Variants in HMCN1 observed in about 807,000 individuals in gnomAD.
The protein encoded by HMCN1 is hemicentin 1, also known as hemicentin-1.
In HMCN1, 321 loss-of-function variants were observed where a neutral mutation model predicts 625.9. The observed-to-expected ratio is 0.51, with a 90% CI of 0.47 to 0.56. The LOEUF (loss-of-function observed/expected upper bound fraction) is 0.56. Among genes scored for constraint, HMCN1 ranks in the 20% least tolerant of loss-of-function variants. The pLI, the probability that HMCN1 is intolerant of heterozygous loss-of-function variation, is 0.00. For missense variants in HMCN1, 6,588 were observed against 6,887.3 expected (o/e 0.96, Z 1.54); for synonymous variants, 2,425 against 2,417.6 (o/e 1.00, Z -0.09).
chr1:186,107,049 A>T, intron 70 of HMCN1, 84 bp downstream of exon 70: 1 of 854,568 alleles, frequency 1.2e-6, no homozygotes, highest in Non-Finnish European at 2.0e-6. Flanking sequence ...ACATCACAGG[A>T]TATGTTTATA....
At position 186,145,429 on chromosome 1, in the gene HMCN1, G is replaced by A; in HGVS notation, c.14293G>A (p.Gly4765Ser). Residue 4765 changes from glycine (G) to serine (S), a missense_variant, in exon 92 of 107, where the codon GGC becomes AGC. Physicochemically the swap from Gly to Ser is moderately conservative, Grantham distance 56. This residue lies in a region of HMCN1 where 1,954 missense variants were observed against 2,013.1 expected (regional missense o/e 0.97). Transcript: ENST00000271588. ...PTHGNWSPWS[G>S]WGTCSRTCNG... Reference sequence around the variant, plus strand: ...CCATGGTAACTGGAGTCCTTGGAGTGGCTGGGGAACATGCAGCCGGACGTG... The same window carrying A: ...CCATGGTAACTGGAGTCCTTGGAGTAGCTGGGGAACATGCAGCCGGACGTG... 1 of 1,596,058 alleles carries A rather than the reference G, an allele frequency of 6.3e-7. No homozygotes were observed. Among genetic ancestry groups the A allele is most frequent in the Non-Finnish European group, 8.5e-7 (1 of 1,170,192 alleles).
chr1:186,059,261 A>C (rs1356603420), intron 46 of HMCN1, among the ~76,000 whole-genome samples: 1 of 152,072 alleles, frequency 6.6e-6, no homozygotes, highest in Non-Finnish European at 1.5e-5. Context: ...GATTGTATTA[A>C]AATGTGGTTA....
At chr1:185,922,758 G>T (rs1667064659) in intron 7 of HMCN1, among the ~76,000 whole-genome samples, 1 of 152,104 alleles carries the variant, frequency 6.6e-6, no homozygotes, top group South Asian at 2.1e-4. Flanking sequence ...ACCATGGAAG[G>T]TAGGGCCCAG....
chr1:186,065,180 A>C (rs1488097859), intron 48 of HMCN1, 58 bp from the exon 49 acceptor site: 3 of 1,413,144 alleles, frequency 2.1e-6, no homozygotes, highest in Non-Finnish European at 3.0e-6. Context: ...CCTCTTTCAA[A>C]GTTTATTCAT....
intron 1 of HMCN1, among the ~76,000 whole-genome samples, chr1:185,815,023 G>A (rs997807504): frequency 1.3e-5 from 2 of 150,136 alleles, no homozygotes; most frequent in Non-Finnish European, 2.9e-5. Context: ...GGGTTATAGA[G>A]GGTAAGAAAA....
At chr1:185,787,130 C>A (rs1427911419) in intron 1 of HMCN1, among the ~76,000 whole-genome samples, 1 of 148,802 alleles carries the variant, frequency 6.7e-6, no homozygotes, top group Admixed American at 6.8e-5. Context: ...TTGTATGAAG[C>A]GCCATGATGT....
In HMCN1 at chr1:185,850,806, T is replaced by C. The variant is rs370139785; in HGVS notation, c.339+4710T>C. On this transcript the variant is annotated intron_variant, in intron 2 of 106. Coordinates refer to ENST00000271588, the MANE Select transcript of HMCN1 (RefSeq NM_031935.3). ...TTTTCTCCCCTTTTCTGCACTTTCA[T>C]AGGATCCAAAAGGATGCTTAATTAG... 2.6e-4 allele frequency among the ~76,000 whole-genome samples: 40 copies of C among 152,060 alleles called. 1 individual carries two copies. The East Asian group carries it at 3.9e-3, about 15-fold the overall frequency.
At chr1:185,917,212 C>A (rs902671885) in intron 6 of HMCN1, among the ~76,000 whole-genome samples, 2 of 152,028 alleles carry the variant, frequency 1.3e-5, no homozygotes, top group African/African-American at 4.8e-5. Context: ...TTTACTAGCA[C>A]CCCACTGACC....
intron 12 of HMCN1, among the ~76,000 whole-genome samples, chr1:185,963,238 G>A (rs1302373938): frequency 6.6e-6 from 1 of 152,116 alleles, no homozygotes; most frequent in Admixed American, 6.6e-5. Flanking sequence ...CATTACTCTG[G>A]GTTTGGCAGT....
intron 20 of HMCN1, among the ~76,000 whole-genome samples, chr1:185,988,526 A>T (rs563730132): frequency 6.6e-6 from 1 of 152,350 alleles, no homozygotes; most frequent in African/African-American, 2.4e-5. Flanking sequence ...TTAGCTTTTT[A>T]AAAAAATTAT....
intron 1 of HMCN1, among the ~76,000 whole-genome samples, chr1:185,767,174 A>T (rs1367799146): frequency 6.6e-6 from 1 of 152,154 alleles, no homozygotes; most frequent in East Asian, 1.9e-4. Flanking sequence ...TTCAGTTAAT[A>T]TTTACATTCT....
intron 13 of HMCN1, among the ~76,000 whole-genome samples, chr1:185,964,700 G>A (rs937790038): frequency 1.3e-5 from 2 of 152,046 alleles, no homozygotes; most frequent in African/African-American, 4.8e-5. Flanking sequence ...TACTACAGTG[G>A]GAGGTTGGCA....
intron 4 of HMCN1, among the ~76,000 whole-genome samples, chr1:185,896,642 G>T (rs1665505373): frequency 6.6e-6 from 1 of 152,048 alleles, no homozygotes; most frequent in Non-Finnish European, 1.5e-5. Flanking sequence ...AAGATCCTTG[G>T]AACGGATGCC....
At chr1:185,890,381 T>C (rs1378004800) in intron 4 of HMCN1, among the ~76,000 whole-genome samples, 1 of 147,738 alleles carries the variant, frequency 6.8e-6, no homozygotes. Context: ...CTTGCTTTTC[T>C]AGTTCTTTTA....
At chr1:185,820,405 T>G (rs1282555217) in intron 1 of HMCN1, among the ~76,000 whole-genome samples, 2 of 152,164 alleles carry the variant, frequency 1.3e-5, no homozygotes, top group Admixed American at 6.6e-5. Context: ...CATTCATGTT[T>G]TTTTTAAAAC....
At chr1:186,046,862 C>T (rs996012068) in intron 41 of HMCN1, among the ~76,000 whole-genome samples, 46 of 152,014 alleles carry the variant, frequency 3.0e-4, no homozygotes, top group African/African-American at 1.1e-3. Context: ...AGAAGACCAC[C>T]GAATGTTTAT....
intron 2 of HMCN1, among the ~76,000 whole-genome samples, chr1:185,849,174 G>A (rs1272960365): frequency 1.3e-5 from 2 of 152,050 alleles, no homozygotes; most frequent in Non-Finnish European, 2.9e-5. Flanking sequence ...TGCTGCAGAG[G>A]CCTTGCATAG....
At chr1:185,828,545 A>T (rs1231461265) in intron 1 of HMCN1, among the ~76,000 whole-genome samples, 1 of 152,094 alleles carries the variant, frequency 6.6e-6, no homozygotes, top group Non-Finnish European at 1.5e-5. Context: ...TCTATAGAAG[A>T]CCTGGTTAAT....
At chr1:185,891,327 G>A (rs1025742838) in intron 4 of HMCN1, among the ~76,000 whole-genome samples, 5 of 144,320 alleles carry the variant, frequency 3.5e-5, no homozygotes, top group Admixed American at 1.3e-4. Flanking sequence ...AGTTAATATT[G>A]TTATGTGTGA....
Sources: gnomAD v4.1 joint callset for allele counts (sites outside exome capture counted in the v4.1 genomes callset) on GRCh38, gnomAD v4.1.1 for gene constraint, gnomAD v4.1.1 regional missense constraint, MANE v1.5 for transcripts, NCBI Gene and HGNC (gene_info 2026-07-23, HGNC 2026-07-21) for gene names.